SPSB1: variants seen among roughly 807,000 people sequenced by gnomAD.
SPSB1 encodes the protein SPRY domain-containing SOCS box protein 1.
SPSB1 carries 8 observed loss-of-function variants against 21.2 expected under a neutral mutation model. The observed-to-expected ratio is 0.38, with a 90% CI of 0.22 to 0.68. The LOEUF is 0.68. SPSB1 is among the 30% of genes least tolerant of loss of function. The pLI is 0.53. For synonymous variants in SPSB1, 169 were observed against 161.7 expected (o/e 1.05, Z -0.34); for missense variants, 242 against 377.8 (o/e 0.64, Z 2.98).
At chr1:9,302,877 C>G (rs369811778) in intron 1 of SPSB1, among the ~76,000 whole-genome samples, 1 of 152,272 alleles carries the variant, frequency 6.6e-6, no homozygotes, top group East Asian at 1.9e-4. Context: ...AGTGGCACTG[C>G]GCATCATATC....
In SPSB1 at chr1:9,321,930, C is replaced by G. The variant is rs1173861300; in HGVS notation, c.-150+28859C>G. On this transcript the variant is annotated intron_variant, in intron 1 of 2. Coordinates refer to ENST00000328089, the MANE Select transcript of SPSB1 (RefSeq NM_025106.4). This position sits in a 1 kb window ranked among gnomAD's most constrained non-coding sequence, Gnocchi z 4.8. ...CCCGTAGGTGCCATTGACGAGTGAT[C>G]CTGCTCTGGGCTCTCCAGTCACCTC... is the stretch of plus-strand genomic sequence containing the variant. 6.6e-6 allele frequency among the ~76,000 whole-genome samples: 1 copy of G among 152,142 alleles called. No homozygotes were observed. Among genetic ancestry groups the G allele is most frequent in the African/African-American group, 2.4e-5 (1 of 41,420 alleles).
rs956968264 is a variant in SPSB1, at chr1:9,348,983, G to A, written c.-149-6760G>A. Reference sequence around the variant, plus strand: ...TGTGTGTATATGTGCGTGTGTGCACGTGCATGTGTGTGTGTAGTGGTGGGG... The same window carrying A: ...TGTGTGTATATGTGCGTGTGTGCACATGCATGTGTGTGTGTAGTGGTGGGG... On this transcript the variant is annotated intron_variant, in intron 1 of 2. Transcript: ENST00000328089. This position sits in a 1 kb window ranked among gnomAD's most constrained non-coding sequence, Gnocchi z 4.8. 4.6e-5 allele frequency among the ~76,000 whole-genome samples: 7 copies of A among 152,074 alleles called. No individual in the cohort carries two copies. Among genetic ancestry groups the A allele is most frequent in the South Asian group, 4.2e-4 (2 of 4,818 alleles).
chr1:9,312,445 C>G (rs542901957), intron 1 of SPSB1, among the ~76,000 whole-genome samples: 2 of 152,138 alleles, frequency 1.3e-5, no homozygotes, highest in Non-Finnish European at 2.9e-5. Flanking sequence ...GCACACGCCA[C>G]GCAGTTCGCC....
intron 1 of SPSB1, among the ~76,000 whole-genome samples, chr1:9,300,252 C>T (rs964860129): frequency 1.3e-5 from 2 of 152,182 alleles, no homozygotes; most frequent in Non-Finnish European, 2.9e-5. Context: ...GCCTCGTGGG[C>T]CTGTTTGGAC....
chr1:9,362,996 G>GT (rs1640505302), intron 2 of SPSB1, among the ~76,000 whole-genome samples: 1 of 152,224 alleles, frequency 6.6e-6, no homozygotes. Flanking sequence ...GCAGGCACCT[G>GT]GGTTTGTGGC....
In SPSB1 at chr1:9,293,733, G is replaced by A. The variant is rs1639160444; in HGVS notation, c.-150+662G>A. On this transcript the variant is annotated intron_variant, in intron 1 of 2. Coordinates refer to ENST00000328089, the MANE Select transcript of SPSB1 (RefSeq NM_025106.4). The surrounding 1 kb of genome is among the most constrained non-coding windows in gnomAD (Gnocchi z 5.1). ...GCCTGGGCCCGCGGGAGGAACCGCGGATGGGTCACCGTCCCCGGGCGTGTA... is the reference window on the plus strand; with the variant it reads ...GCCTGGGCCCGCGGGAGGAACCGCGAATGGGTCACCGTCCCCGGGCGTGTA... Among the ~76,000 whole-genome samples the A allele has an allele frequency of 6.6e-6, 1 of 152,206 alleles. No homozygotes were observed. Among genetic ancestry groups the A allele is most frequent in the African/African-American group, 2.4e-5 (1 of 41,460 alleles).
chr1:9,311,454 C>T (rs2100471524), intron 1 of SPSB1, among the ~76,000 whole-genome samples: 1 of 152,310 alleles, frequency 6.6e-6, no homozygotes, highest in South Asian at 2.1e-4. Flanking sequence ...CCCATACCCA[C>T]ACCACCCAGC....
At chr1:9,319,637 T>C (rs1018579761) in intron 1 of SPSB1, among the ~76,000 whole-genome samples, 16 of 152,168 alleles carry the variant, frequency 1.1e-4, no homozygotes, top group African/African-American at 3.6e-4. Context: ...CGGGCTGGTA[T>C]TCCGTTCCGG....
intron 1 of SPSB1, among the ~76,000 whole-genome samples, chr1:9,338,467 C>T (rs182576131): frequency 3.9e-5 from 6 of 152,366 alleles, no homozygotes; most frequent in Admixed American, 1.3e-4. Flanking sequence ...CCACCCAGGA[C>T]AGCACTTGCT....
intron 1 of SPSB1, among the ~76,000 whole-genome samples, chr1:9,326,875 G>A (rs1169265034): frequency 6.6e-6 from 1 of 152,250 alleles, no homozygotes; most frequent in Non-Finnish European, 1.5e-5. Context: ...GCAGCAGGGT[G>A]TTTGCTGCCA....
chr1:9,316,236 CAGGAGACCTGGCCTGGGA>C (rs1639610898), intron 1 of SPSB1, among the ~76,000 whole-genome samples: 1 of 152,154 alleles, frequency 6.6e-6, no homozygotes, highest in Non-Finnish European at 1.5e-5. Flanking sequence ...CCGGCACCCC[CAGGAGACCTGGCCTGGGA>C]AGGAGACCCT....
At chr1:9,326,418 G>C (rs1403164770) in intron 1 of SPSB1, among the ~76,000 whole-genome samples, 1 of 152,198 alleles carries the variant, frequency 6.6e-6, no homozygotes, top group Non-Finnish European at 1.5e-5. Context: ...TGTCGGAGGA[G>C]TCACCTCACA....
In SPSB1 at chr1:9,312,509, C is replaced by T. The variant is rs375584237; in HGVS notation, c.-150+19438C>T. ...TAGTGCACACATGTGGTCAGGCAGC[C>T]GTGGACACCGTCCTAGAATTCATTT... On this transcript the variant is annotated intron_variant, in intron 1 of 2. Transcript: ENST00000328089. Among the ~76,000 whole-genome samples the T allele has an allele frequency of 9.3e-4, 141 of 152,238 alleles. No homozygotes were observed. In the Middle Eastern group the frequency reaches 0.014, roughly 15 times the overall value.
chr1:9,345,102 C>T lies in SPSB1; in HGVS notation c.-149-10641C>T, dbSNP rs1383801622. ...GGCAGCCCTGAACTCTGGAGTCCCA[C>T]AGGAGGCTAGGCTGGAGCGAGGCCC... On this transcript the variant is annotated intron_variant, in intron 1 of 2. Transcript: ENST00000328089. The surrounding 1 kb of genome is among the most constrained non-coding windows in gnomAD (Gnocchi z 4.8). Among the ~76,000 whole-genome samples, 1 of 152,210 alleles carries T rather than the reference C, an allele frequency of 6.6e-6. No homozygotes were observed. Among genetic ancestry groups the T allele is most frequent in the Non-Finnish European group, 1.5e-5 (1 of 68,034 alleles).
intron 1 of SPSB1, among the ~76,000 whole-genome samples, chr1:9,342,155 A>G (rs1437854815): frequency 6.6e-6 from 1 of 152,192 alleles, no homozygotes; most frequent in Non-Finnish European, 1.5e-5. Context: ...CAGGCCTCAG[A>G]TGGTGGAGTT....
intron 1 of SPSB1, among the ~76,000 whole-genome samples, chr1:9,331,322 T>TTG (rs1639914791): frequency 7.5e-5 from 2 of 26,748 alleles, no homozygotes; most frequent in Non-Finnish European, 1.6e-4. Context: ...GGTGCTCTTG[T>TTG]TTTTTTTTTT....
chr1:9,296,157 A>G (rs545771850), intron 1 of SPSB1, among the ~76,000 whole-genome samples: 1 of 152,282 alleles, frequency 6.6e-6, no homozygotes, highest in East Asian at 1.9e-4. Context: ...GCATAATAAT[A>G]GCGGGAAATG....
intron 2 of SPSB1, among the ~76,000 whole-genome samples, chr1:9,360,622 G>A (rs149765650): frequency 1.3e-5 from 2 of 152,296 alleles, no homozygotes; most frequent in Non-Finnish European, 2.9e-5. Flanking sequence ...CCCTTGGTCT[G>A]TAGATGCCTC....
intron 1 of SPSB1, among the ~76,000 whole-genome samples, chr1:9,306,092 C>A (rs1050500147): frequency 6.6e-6 from 1 of 152,166 alleles, no homozygotes; most frequent in Admixed American, 6.5e-5. Context: ...CCCAGCCATG[C>A]TCCTGCAGCG....
Sources: gnomAD v4.1 joint callset for allele counts (sites outside exome capture counted in the v4.1 genomes callset) on GRCh38, gnomAD v4.1.1 for gene constraint, Gnocchi (gnomAD v3.1) non-coding constraint, MANE v1.5 for transcripts, NCBI Gene and HGNC (gene_info 2026-07-23, HGNC 2026-07-21) for gene names.